Variants in MACF1 observed in about 807,000 individuals in gnomAD.
The protein encoded by MACF1 is microtubule actin crosslinking factor 1, also known as microtubule-actin cross-linking factor 1.
In MACF1, 193 loss-of-function variants were observed where a neutral mutation model predicts 854.8. The observed-to-expected ratio is 0.23, with a 90% confidence interval of 0.20 to 0.25. MACF1 has a LOEUF of 0.25. Ranked by LOEUF, MACF1 falls within the 10% of genes least tolerant of loss-of-function variation. The pLI is 1.00. For synonymous variants in MACF1, 3,185 were observed against 3,226.7 expected, an observed-to-expected ratio of 0.99 and a Z score of 0.44; for missense variants, 7,722 against 8,929.1, an observed-to-expected ratio of 0.86 and a Z score of 5.45.
At chr1:39,452,543 C>T in intron 86 of MACF1, 141 bp from the exon 87 acceptor site, 3 of 1,216,098 alleles carry the variant, frequency 2.5e-6, no homozygotes, top group Non-Finnish European at 3.5e-6. Context: ...CAAAGATCTA[C>T]AAATGAAAGA....
intron 2 of MACF1, among the ~76,000 whole-genome samples, chr1:39,090,320 G>A (rs540405733): frequency 6.2e-4 from 95 of 152,336 alleles, no homozygotes; most frequent in Admixed American, 1.0e-3. Flanking sequence ...TTCAGTAGCA[G>A]CAGAGAAGAG....
At chr1:39,468,490 G>T in intron 95 of MACF1, 125 bp from the exon 96 acceptor site, 2 of 705,970 alleles carry the variant, frequency 2.8e-6, no homozygotes. Flanking sequence ...GCAAAATTGT[G>T]AGAGTTAACA....
At chr1:39,315,369 G>A (rs1216718234) in intron 26 of MACF1, 144 bp from the exon 27 acceptor site, 1 of 625,332 alleles carries the variant, frequency 1.6e-6, no homozygotes, top group African/African-American at 1.8e-5. Flanking sequence ...TCCATCGTAT[G>A]TCTGCTTCAT....
chr1:39,352,910 A>C, intron 43 of MACF1, 97 bp from the exon 44 acceptor site: 2 of 720,336 alleles, frequency 2.8e-6, no homozygotes, highest in Non-Finnish European at 4.7e-6. Flanking sequence ...TAGAATTAGC[A>C]TAAAATTATC....
chr1:39,427,390 T>G, intron 61 of MACF1, 65 bp from the exon 62 acceptor site: 1 of 1,376,818 alleles, frequency 7.3e-7, no homozygotes, highest in Non-Finnish European at 1.0e-6. Flanking sequence ...TTACTGAGTA[T>G]AGTACTATTA....
In MACF1 at chr1:39,084,834, T is replaced by C. The variant is rs916761032; in HGVS notation, c.220+396T>C. Among the ~76,000 whole-genome samples, 2 of 152,226 alleles carry C rather than the reference T, an allele frequency of 1.3e-5. No homozygotes were observed. The highest frequency in any genetic ancestry group is 4.8e-5 in the African/African-American group (2 of 41,470). Reference sequence around the variant, plus strand: ...GGTTACCATTTCTAAAAGCTGTCTATTTCATGACTTTCTAAATCCTACTCT... The same window carrying C: ...GGTTACCATTTCTAAAAGCTGTCTACTTCATGACTTTCTAAATCCTACTCT... On this transcript the variant is annotated intron_variant, in intron 2 of 93. Transcript: ENST00000361689. The surrounding 1 kb of genome is among the most constrained non-coding windows in gnomAD (Gnocchi z 5.2).
At chr1:39,197,952 C>A (rs79663575) in intron 2 of MACF1, among the ~76,000 whole-genome samples, 2,134 of 152,178 alleles carry the variant, frequency 0.014, 45 homozygotes, top group African/African-American at 0.048. Context: ...AATCCCTGCA[C>A]TTTGGTAGGC....
chr1:39,102,713 G>A (rs1002936675), intron 2 of MACF1: 17 of 700,220 alleles, frequency 2.4e-5, no homozygotes, highest in African/African-American at 7.0e-5. Context: ...ATGCCCTTCC[G>A]AGTACATCCT....
chr1:39,311,296 A>C (rs189128978), intron 26 of MACF1, among the ~76,000 whole-genome samples: 1 of 152,104 alleles, frequency 6.6e-6, no homozygotes, highest in Non-Finnish European at 1.5e-5. Context: ...TAGAGATGCT[A>C]CTCTTTTATT....
intron 2 of MACF1, among the ~76,000 whole-genome samples, chr1:39,154,721 ATTT>A (rs113114354): frequency 6.8e-6 from 1 of 146,940 alleles, no homozygotes; most frequent in Non-Finnish European, 1.5e-5. Flanking sequence ...AGGGTAAGGG[ATTT>A]TTTTTTTTTA....
In MACF1 at chr1:39,139,226, TG is replaced by T. The variant is rs1571089659; in HGVS notation, c.220+54794del. Among the ~76,000 whole-genome samples, 4 of 152,242 alleles carry T rather than the reference TG, an allele frequency of 2.6e-5. No individual in the cohort carries two copies. The South Asian group carries it at 6.2e-4, about 24-fold the overall frequency. ...TTGAATTACCAAAGATGCTTGCTTA[TG>T]GGGGGAAATTGAACAGATTTTTTTT... On this transcript the variant is annotated intron_variant, in intron 2 of 93. Transcript: ENST00000361689.
chr1:39,151,905 G>A (rs1411414655), intron 2 of MACF1, among the ~76,000 whole-genome samples: 1 of 152,084 alleles, frequency 6.6e-6, no homozygotes, highest in African/African-American at 2.4e-5. Context: ...ATTAAGAAGG[G>A]TATGTGTTCA....
intron 6 of MACF1, among the ~76,000 whole-genome samples, chr1:39,263,771 CTT>C (rs11453750): frequency 1.0e-5 from 1 of 100,164 alleles, no homozygotes; most frequent in Non-Finnish European, 1.8e-5. Context: ...TTTCTTTTTT[CTT>C]TTTTTTTTTT....
intron 92 of MACF1, among the ~76,000 whole-genome samples, chr1:39,461,372 G>C (rs1014662119): frequency 6.6e-6 from 1 of 152,132 alleles, no homozygotes. Context: ...TTATGTTTAT[G>C]CCTTTTGGTA....
intron 2 of MACF1, among the ~76,000 whole-genome samples, chr1:39,087,969 CTT>C (rs1044564520): frequency 7.2e-6 from 1 of 137,958 alleles, no homozygotes. Flanking sequence ...GATGGGGTTT[CTT>C]TTTTTTTTTG....
intron 2 of MACF1, among the ~76,000 whole-genome samples, chr1:39,132,200 TATG>T (rs1395175030): frequency 2.0e-5 from 3 of 152,190 alleles, no homozygotes; most frequent in African/African-American, 7.2e-5. Context: ...AAGCTATTAT[TATG>T]ATAATTGCTG....
At chr1:39,316,765 T>C (rs1646418180) in intron 28 of MACF1, among the ~76,000 whole-genome samples, 2 of 152,230 alleles carry the variant, frequency 1.3e-5, no homozygotes, top group South Asian at 2.1e-4. Context: ...CTTTTCACCT[T>C]AATAAAATCA....
chr1:39,238,158 A>G lies in MACF1; in HGVS notation c.171+6915A>G, dbSNP rs142400266. 2.4e-3 allele frequency among the ~76,000 whole-genome samples: 369 copies of G among 152,300 alleles called. 2 individuals are homozygous for G. Among genetic ancestry groups the G allele is most frequent in the African/African-American group, 8.4e-3 (350 of 41,568 alleles). On this transcript the variant is annotated intron_variant, in intron 2 of 100. Coordinates refer to ENST00000564288, the MANE Select transcript of MACF1 (RefSeq NM_001394062.1). ...CCCTGTCATCTCTTAGATGAAGGGA[A>G]GGTGTGAGAAATGTGCGTCTGTCCC...
At chr1:39,438,911 C>T (rs1230858215) in intron 71 of MACF1, among the ~76,000 whole-genome samples, 3 of 151,524 alleles carry the variant, frequency 2.0e-5, no homozygotes, top group Admixed American at 6.6e-5. Flanking sequence ...GGTGAAACCC[C>T]GACTCTACCA....
Sources: gnomAD v4.1 joint callset for allele counts (sites outside exome capture counted in the v4.1 genomes callset) on GRCh38, gnomAD v4.1.1 for gene constraint, Gnocchi (gnomAD v3.1) non-coding constraint, MANE v1.5 for transcripts, NCBI Gene and HGNC (gene_info 2026-07-23, HGNC 2026-07-21) for gene names.